The following SMG6 variants were observed in gnomAD, a reference collection of about 807,000 sequenced individuals.
The protein encoded by SMG6 is telomerase-binding protein EST1A.
In SMG6, 66 loss-of-function variants were observed where a neutral mutation model predicts 142.2. The observed-to-expected ratio is 0.46, with a 90% CI of 0.38 to 0.57. SMG6 has a LOEUF of 0.57. Among genes scored for constraint, SMG6 ranks in the 20% least tolerant of loss-of-function variants. The probability of loss-of-function intolerance (pLI) is 0.00; values close to 1 mark genes in which losing one functional copy is unlikely to be tolerated. For missense variants in SMG6, 1,793 were observed against 1,832.0 expected (o/e 0.98, Z 0.39); for synonymous variants, 779 against 702.4 (o/e 1.11, Z -1.72).
At chr17:2,272,522 C>T in intron 8 of SMG6, among the ~76,000 whole-genome samples, 1 of 152,208 alleles carries the variant, frequency 6.6e-6, no homozygotes, top group Admixed American at 6.5e-5. Flanking sequence ...ACTCATGATG[C>T]TTTCACAGTC....
chr17:2,266,237 GA>G, intron 8 of SMG6: 1 of 948,936 alleles, frequency 1.1e-6, no homozygotes, highest in Non-Finnish European at 1.3e-6. Context: ...ACGTGGGGTG[GA>G]AAGTGGCCTG....
chr17:2,299,314 T>C lies in SMG6; in HGVS notation c.1439A>G (p.Asp480Gly). 1 of 1,614,080 alleles carries C rather than the reference T, an allele frequency of 6.2e-7. No individual in the cohort carries two copies. Among genetic ancestry groups the C allele is most frequent in the Non-Finnish European group, 8.5e-7 (1 of 1,180,020 alleles). Residue 480 changes from aspartate to glycine, a missense_variant, in exon 2 of 19, where the codon GAT (aspartate) becomes GGT (glycine). This residue lies in a region of SMG6 where 1,597 missense variants were observed against 1,584.6 expected (regional missense o/e 1.01). Coordinates refer to ENST00000263073, the MANE Select transcript of SMG6 (RefSeq NM_017575.5). The surrounding 1 kb of genome is among the most constrained non-coding windows in gnomAD (Gnocchi z 4.3). ...CCAAGATGTAGGGCTGACTTCATCA[T>C]CAGTGTCCAAGAAATGTAGCTGGGG... is the stretch of plus-strand genomic sequence containing the variant. ...QTPQLHFLDT[D>G]DEVSPTSWGD...
chr17:2,149,237 C>T (rs1043057783), intron 13 of SMG6, among the ~76,000 whole-genome samples: 19 of 150,910 alleles, frequency 1.3e-4, no homozygotes, highest in Non-Finnish European at 2.2e-4. Flanking sequence ...GTAATCCCAG[C>T]TACTCGGGAG....
At chr17:2,215,337 A>C (rs2151755037) in intron 10 of SMG6, 1 of 152,318 alleles carries the variant, frequency 6.6e-6, no homozygotes, top group South Asian at 2.1e-4. Context: ...TCATGGCAGA[A>C]CTATTCTCTC....
chr17:2,292,577 T>C lies in SMG6; in HGVS notation c.2312A>G (p.Gln771Arg). 1.2e-6 allele frequency: 2 copies of C among 1,614,228 alleles called. No individual in the cohort carries two copies. The highest frequency in any genetic ancestry group is 1.7e-6 in the Non-Finnish European group (2 of 1,180,038). Reference sequence around the variant, plus strand: ...CGTATACACTGCCAGCAAAGCCAACTGGTTATAGGGGCGCCCATTCTTGGG... The same window carrying C: ...CGTATACACTGCCAGCAAAGCCAACCGGTTATAGGGGCGCCCATTCTTGGG... ...IAPKNGRPYN[Q>R]LALLAVYTRR... The change falls in exon 6 of 19, where the codon CAG (glutamine) becomes CGG (arginine). Residue 771 changes from glutamine (Q) to arginine (R), a missense_variant. By Grantham distance (43) the Gln-to-Arg change is conservative. Coordinates refer to ENST00000263073, the MANE Select transcript of SMG6 (RefSeq NM_017575.5).
intron 15 of SMG6, among the ~76,000 whole-genome samples, chr17:2,074,925 C>T (rs1597342033): frequency 1.3e-5 from 2 of 152,234 alleles, no homozygotes; most frequent in South Asian, 4.1e-4. Context: ...AGACAGTGGC[C>T]TGGCCACTCT....
At chr17:2,289,078 CAAAAAAA>C (rs34494754) in intron 6 of SMG6, among the ~76,000 whole-genome samples, 2 of 87,968 alleles carry the variant, frequency 2.3e-5, no homozygotes, top group Admixed American at 2.5e-4. Context: ...GACTCTGTCT[CAAAAAAA>C]AAAAAAAAAA....
chr17:2,194,996 A>G (rs2072279932), intron 10 of SMG6, among the ~76,000 whole-genome samples: 1 of 152,212 alleles, frequency 6.6e-6, no homozygotes, highest in Non-Finnish European at 1.5e-5. Flanking sequence ...TTTCCAGAAC[A>G]AAGACACTTC....
intron 12 of SMG6, among the ~76,000 whole-genome samples, chr17:2,180,497 C>CA (rs2071772542): frequency 6.6e-6 from 1 of 152,228 alleles, no homozygotes; most frequent in Non-Finnish European, 1.5e-5. Context: ...CACATGCCCA[C>CA]ATGCCCAGCA....
intron 10 of SMG6, among the ~76,000 whole-genome samples, chr17:2,225,798 T>C (rs1435950967): frequency 6.6e-6 from 1 of 152,144 alleles, no homozygotes; most frequent in African/African-American, 2.4e-5. Flanking sequence ...AAAAGAAGAC[T>C]AGTGCTGGGG....
intron 10 of SMG6, among the ~76,000 whole-genome samples, chr17:2,193,093 C>T (rs368955239): frequency 3.9e-5 from 6 of 152,192 alleles, no homozygotes; most frequent in African/African-American, 1.2e-4. Flanking sequence ...AATCTCACGT[C>T]GAATTGTAAT....
intron 12 of SMG6, among the ~76,000 whole-genome samples, chr17:2,178,984 G>A (rs1311390250): frequency 6.6e-6 from 1 of 152,200 alleles, no homozygotes; most frequent in Admixed American, 6.5e-5. Context: ...GCTGTACCCT[G>A]CTGGGGTCAG....
At chr17:2,289,137 C>T (rs1234905828) in intron 6 of SMG6, among the ~76,000 whole-genome samples, 15 of 150,026 alleles carry the variant, frequency 1.0e-4, no homozygotes, top group Admixed American at 1.0e-3. Context: ...GTAGTTGCAT[C>T]TATTTGGGGG....
chr17:2,217,198 CTTT>C (rs1411366392), intron 10 of SMG6, among the ~76,000 whole-genome samples: 1 of 152,026 alleles, frequency 6.6e-6, no homozygotes, highest in Admixed American at 6.6e-5. Flanking sequence ...TCAAATATTT[CTTT>C]TTATCATTAT....
At chr17:2,294,356 G>T (rs1407903012) in intron 4 of SMG6, among the ~76,000 whole-genome samples, 1 of 152,128 alleles carries the variant, frequency 6.6e-6, no homozygotes, top group Non-Finnish European at 1.5e-5. Flanking sequence ...TGTCATGTTG[G>T]TAAGAGACAA....
chr17:2,153,196 C>T (rs969687562), intron 13 of SMG6, among the ~76,000 whole-genome samples: 5 of 152,240 alleles, frequency 3.3e-5, no homozygotes, highest in African/African-American at 9.6e-5. Context: ...TATTAGCTAT[C>T]GTTAGTGTTA....
intron 16 of SMG6, among the ~76,000 whole-genome samples, chr17:2,067,435 C>T (rs1366700728): frequency 6.6e-6 from 1 of 152,170 alleles, no homozygotes; most frequent in African/African-American, 2.4e-5. Flanking sequence ...CCTTTCCTGA[C>T]CATCTAGCAA....
chr17:2,270,580 C>T (rs1253141869), intron 8 of SMG6, among the ~76,000 whole-genome samples: 1 of 152,132 alleles, frequency 6.6e-6, no homozygotes, highest in Non-Finnish European at 1.5e-5. Context: ...TGCACTCCAG[C>T]CTGCACAACA....
At chr17:2,128,639 C>T (rs1476884430) in intron 13 of SMG6, among the ~76,000 whole-genome samples, 1 of 151,990 alleles carries the variant, frequency 6.6e-6, no homozygotes, top group Admixed American at 6.6e-5. Flanking sequence ...GCTTGACCAA[C>T]GTGGTGAAAC....
Sources: gnomAD v4.1 joint callset for allele counts (sites outside exome capture counted in the v4.1 genomes callset) on GRCh38, gnomAD v4.1.1 for gene constraint, gnomAD v4.1.1 regional missense constraint, Gnocchi (gnomAD v3.1) non-coding constraint, MANE v1.5 for transcripts, NCBI Gene and HGNC (gene_info 2026-07-23, HGNC 2026-07-21) for gene names.